PPARG: variants seen among roughly 807,000 people sequenced by gnomAD.
PPARG encodes the protein peroxisome proliferator activated receptor gamma.
A neutral mutation model predicts 39.2 loss-of-function variants in PPARG; 17 were observed. The observed-to-expected ratio is 0.43, with a 90% CI of 0.30 to 0.65. PPARG has a LOEUF of 0.65. Among genes scored for constraint, PPARG ranks in the 30% least tolerant of loss-of-function variants. The pLI, the probability that PPARG is intolerant of heterozygous loss-of-function variation, is 0.13. For synonymous variants in PPARG, 223 were observed against 215.7 expected (o/e 1.03, Z -0.30); for missense variants, 406 against 585.9 (o/e 0.69, Z 3.17).
chr3:12,427,797 T>C (rs1373249987), intron 7 of PPARG, among the ~76,000 whole-genome samples: 1 of 152,206 alleles, frequency 6.6e-6, no homozygotes, highest in Non-Finnish European at 1.5e-5. Flanking sequence ...TGCAAAGTAC[T>C]GGGTTCCCTA....
In PPARG at chr3:12,292,741, G is replaced by A. The variant is rs1446917426; in HGVS notation, c.-83+3607G>A. On this transcript the variant is annotated intron_variant, in intron 1 of 7. Transcript: ENST00000651735. ...TGCCAAAGAGGAGGCCTCTGCAAGC[G>A]GTGTCTTGGTGATGGGAAGTTACTG... is the stretch of plus-strand genomic sequence containing the variant. Among the ~76,000 whole-genome samples, 3 of 152,146 alleles carry A rather than the reference G, an allele frequency of 2.0e-5. No homozygotes were observed. In the East Asian group the frequency reaches 5.8e-4, roughly 29 times the overall value.
At chr3:12,422,643 A>G (rs1002749126) in intron 7 of PPARG, among the ~76,000 whole-genome samples, 1 of 152,158 alleles carries the variant, frequency 6.6e-6, no homozygotes. Context: ...ATTTTGGGAA[A>G]CCAAAGTTGG....
At chr3:12,357,783 C>T (rs2048716111) in intron 2 of PPARG, among the ~76,000 whole-genome samples, 1 of 152,176 alleles carries the variant, frequency 6.6e-6, no homozygotes, top group Non-Finnish European at 1.5e-5. Flanking sequence ...GCTTCTATCA[C>T]ACAATTTAGC....
rs145909513 is a variant in PPARG, at chr3:12,405,426, C to G, written c.530-456C>G. ...TCTTATAAACTCCCTGAGAACAAAGCCTATGTCTGTACAACTTTGAATTCT... is the reference window on the plus strand; with the variant it reads ...TCTTATAAACTCCCTGAGAACAAAGGCTATGTCTGTACAACTTTGAATTCT... On this transcript the variant is annotated intron_variant, in intron 5 of 7. Coordinates refer to ENST00000651735, the MANE Select transcript of PPARG (RefSeq NM_138711.6). Among the ~76,000 whole-genome samples the G allele has an allele frequency of 5.7e-3, 865 of 152,292 alleles. 4 individuals are homozygous for G. Among genetic ancestry groups the G allele is most frequent in the Middle Eastern group, 0.014 (4 of 294 alleles).
chr3:12,392,878 A>T, intron 5 of PPARG, 126 bp downstream of exon 5: 1 of 1,181,046 alleles, frequency 8.5e-7, no homozygotes, highest in East Asian at 2.5e-5. Flanking sequence ...AGAATATTGC[A>T]TGGCGATAAA....
chr3:12,324,273 T>C (rs574671303), intron 2 of PPARG, among the ~76,000 whole-genome samples: 2 of 151,634 alleles, frequency 1.3e-5, no homozygotes, highest in South Asian at 2.1e-4. Flanking sequence ...AGCAAGACTC[T>C]GTCTCAAAAG....
chr3:12,400,247 A>G (rs916838706), intron 5 of PPARG, among the ~76,000 whole-genome samples: 2 of 152,234 alleles, frequency 1.3e-5, no homozygotes, highest in African/African-American at 4.8e-5. Context: ...CTTAGTAATT[A>G]AGTAGCATTT....
intron 2 of PPARG, among the ~76,000 whole-genome samples, chr3:12,367,464 T>C (rs1237345305): frequency 6.6e-6 from 1 of 152,146 alleles, no homozygotes; most frequent in Non-Finnish European, 1.5e-5. Flanking sequence ...GGCATAATCC[T>C]GTAATCTTTT....
chr3:12,360,557 C>T (rs1248803168), intron 2 of PPARG, among the ~76,000 whole-genome samples: 6 of 125,602 alleles, frequency 4.8e-5, no homozygotes, highest in Admixed American at 9.6e-5. Flanking sequence ...AACATACTTG[C>T]GAAATTAGCA....
intron 2 of PPARG, among the ~76,000 whole-genome samples, chr3:12,332,229 T>C (rs940453914): frequency 3.3e-5 from 5 of 152,238 alleles, no homozygotes; most frequent in African/African-American, 1.2e-4. Context: ...AAAATCTTTC[T>C]TCAACATATT....
At chr3:12,397,445 C>G (rs2050308446) in intron 5 of PPARG, among the ~76,000 whole-genome samples, 1 of 148,884 alleles carries the variant, frequency 6.7e-6, no homozygotes, top group South Asian at 2.1e-4. Context: ...AAGTCTCGCT[C>G]TGTTGCCCAG....
chr3:12,350,886 C>T (rs1280412636), intron 2 of PPARG, among the ~76,000 whole-genome samples: 1 of 152,130 alleles, frequency 6.6e-6, no homozygotes, highest in African/African-American at 2.4e-5. Context: ...AAATTGAAAC[C>T]ATATCAAACC....
chr3:12,376,422 GA>G (rs2049412218), intron 2 of PPARG, among the ~76,000 whole-genome samples: 1 of 151,722 alleles, frequency 6.6e-6, no homozygotes, highest in African/African-American at 2.4e-5. Context: ...ATAAATAAAA[GA>G]AAAGAAAAAG....
At chr3:12,297,123 A>C (rs904225428) in intron 1 of PPARG, among the ~76,000 whole-genome samples, 6 of 152,182 alleles carry the variant, frequency 3.9e-5, no homozygotes, top group African/African-American at 1.4e-4. Flanking sequence ...TGTTATAAGA[A>C]CCCATATTTG....
At chr3:12,321,996 A>T (rs575577173) in intron 2 of PPARG, among the ~76,000 whole-genome samples, 1 of 152,340 alleles carries the variant, frequency 6.6e-6, no homozygotes, top group Non-Finnish European at 1.5e-5. Flanking sequence ...GCCTTGACTA[A>T]ATATTATTTC....
chr3:12,426,268 T>A (rs1006112090), intron 7 of PPARG, among the ~76,000 whole-genome samples: 1 of 152,262 alleles, frequency 6.6e-6, no homozygotes, highest in African/African-American at 2.4e-5. Flanking sequence ...TTAACCCACT[T>A]CAGAGCGAAG....
chr3:12,393,190 A>ATTTTTTTTTTTTTT (rs143287325), intron 5 of PPARG, among the ~76,000 whole-genome samples: 12 of 111,520 alleles, frequency 1.1e-4, no homozygotes, highest in Non-Finnish European at 1.8e-4. Flanking sequence ...GATTCATTTA[A>ATTTTTTTTTTTTTT]TTTTTTTTTT....
At chr3:12,352,128 C>G (rs993330840) in intron 2 of PPARG, among the ~76,000 whole-genome samples, 1 of 152,162 alleles carries the variant, frequency 6.6e-6, no homozygotes, top group African/African-American at 2.4e-5. Flanking sequence ...CTTTTCTGTT[C>G]TATTTTGAAA....
intron 7 of PPARG, among the ~76,000 whole-genome samples, chr3:12,427,904 TTTTG>T (rs923987881): frequency 2.6e-5 from 4 of 152,190 alleles, no homozygotes; most frequent in African/African-American, 9.7e-5. Flanking sequence ...ATCACATTTG[TTTTG>T]TTTGTTTGTT....
Sources: gnomAD v4.1 joint callset for allele counts (sites outside exome capture counted in the v4.1 genomes callset) on GRCh38, gnomAD v4.1.1 for gene constraint, MANE v1.5 for transcripts, NCBI Gene and HGNC (gene_info 2026-07-23, HGNC 2026-07-21) for gene names.